The following KCNN3 variants were observed in gnomAD, a reference collection of about 807,000 sequenced individuals.
KCNN3 encodes the protein potassium calcium-activated channel subfamily N member 3.
A neutral mutation model predicts 62.9 loss-of-function variants in KCNN3; 16 were observed. That is an observed-to-expected ratio of 0.25 (90% CI 0.17 to 0.39). The LOEUF is 0.39. Ranked by LOEUF, KCNN3 falls within the 10% of genes least tolerant of loss-of-function variation. KCNN3 has a pLI of 1.00. For missense variants in KCNN3, 599 were observed against 949.4 expected, an observed-to-expected ratio of 0.63 and a Z score of 4.85; for synonymous variants, 370 against 389.2, an observed-to-expected ratio of 0.95 and a Z score of 0.58.
In KCNN3 at chr1:154,702,586, G is replaced by C. The variant is rs543705301; in HGVS notation, c.*5390C>G. On this transcript the variant is annotated 3_prime_UTR_variant, in exon 8 of 8. Coordinates refer to ENST00000271915, the MANE Select transcript of KCNN3 (RefSeq NM_002249.6). ...TTAAAAAACGTATCTGATGAAGGTG[G>C]ATCAGTCCTGGTTGAGATTCAAAAA... 6.6e-6 allele frequency: 1 copy of C among 150,578 alleles called. No individual in the cohort carries two copies. Among genetic ancestry groups the C allele is most frequent in the African/African-American group, 2.4e-5 (1 of 41,160 alleles). 9.3% of individuals were successfully genotyped at this position (150,578 alleles called of 1,614,324 possible). A position where few individuals can be genotyped will look rare whatever the true frequency, so the allele number is the denominator to read the frequency against.
At chr1:154,783,161 C>T (rs1304205877) in intron 2 of KCNN3, among the ~76,000 whole-genome samples, 6 of 150,776 alleles carry the variant, frequency 4.0e-5, no homozygotes, top group Admixed American at 1.3e-4. Flanking sequence ...TGCAGTGAGT[C>T]GAGATCGCAC....
intron 1 of KCNN3, among the ~76,000 whole-genome samples, chr1:154,836,058 C>A (rs573391164): frequency 6.6e-6 from 1 of 152,182 alleles, no homozygotes; most frequent in East Asian, 1.9e-4. Context: ...CCAAAGGCAC[C>A]TGACGCATGT....
At chr1:154,781,306 G>A (rs1449375745) in intron 2 of KCNN3, among the ~76,000 whole-genome samples, 1 of 152,206 alleles carries the variant, frequency 6.6e-6, no homozygotes, top group African/African-American at 2.4e-5. Flanking sequence ...CACCACTAGG[G>A]ATAGAGCATC....
At chr1:154,831,935 A>G (rs898176176) in intron 1 of KCNN3, among the ~76,000 whole-genome samples, 1 of 151,882 alleles carries the variant, frequency 6.6e-6, no homozygotes, top group Non-Finnish European at 1.5e-5. Context: ...CCCAACCCTC[A>G]TTCTCCACGA....
intron 3 of KCNN3, among the ~76,000 whole-genome samples, chr1:154,735,362 C>A (rs1700689307): frequency 6.6e-6 from 1 of 152,168 alleles, no homozygotes; most frequent in Non-Finnish European, 1.5e-5. Context: ...ACAGCATTAG[C>A]CTTTTTGTGG....
chr1:154,804,272 A>G (rs1200432029), intron 2 of KCNN3, among the ~76,000 whole-genome samples: 1 of 152,290 alleles, frequency 6.6e-6, no homozygotes, highest in Non-Finnish European at 1.5e-5. Flanking sequence ...GCTCGAATTC[A>G]CAACTCATGA....
chr1:154,816,340 A>G (rs897251315), intron 2 of KCNN3, among the ~76,000 whole-genome samples: 1 of 152,194 alleles, frequency 6.6e-6, no homozygotes, highest in African/African-American at 2.4e-5. Context: ...CAAGAACCAC[A>G]ATTTGAAATT....
At chr1:154,753,167 T>C (rs1647466217) in intron 3 of KCNN3, among the ~76,000 whole-genome samples, 1 of 152,252 alleles carries the variant, frequency 6.6e-6, no homozygotes, top group Non-Finnish European at 1.5e-5. Flanking sequence ...GTTAACTATA[T>C]TCACATCTAC....
intron 3 of KCNN3, among the ~76,000 whole-genome samples, chr1:154,745,322 G>A (rs531369358): frequency 4.9e-4 from 74 of 152,328 alleles, no homozygotes; most frequent in African/African-American, 1.6e-3. Context: ...AAACAAATGC[G>A]ACTTGCCGCC....
intron 1 of KCNN3, among the ~76,000 whole-genome samples, chr1:154,844,641 T>C (rs1458204556): frequency 1.4e-5 from 2 of 144,902 alleles, no homozygotes; most frequent in Admixed American, 7.3e-5. Context: ...TTCGCTCTGC[T>C]ATCTTACTCA....
chr1:154,772,366 C>T lies in KCNN3; in HGVS notation c.1057G>A (p.Asp353Asn). 1.2e-6 allele frequency: 2 copies of T among 1,614,188 alleles called. No individual in the cohort carries two copies. Among genetic ancestry groups the T allele is most frequent in the Non-Finnish European group, 1.7e-6 (2 of 1,180,038 alleles). ...QLFVIDNGAD[D>N]WRIAMTYERI... Reference sequence around the variant, plus strand: ...TCGTAGGTCATGGCTATCCGCCAGTCATCCGCGCCATTGTCGATCACGAAG... The same window carrying T: ...TCGTAGGTCATGGCTATCCGCCAGTTATCCGCGCCATTGTCGATCACGAAG... The change falls in exon 3 of 8, where the codon GAC becomes AAC. Residue 353 changes from aspartate (D) to asparagine (N), a missense_variant. Coordinates refer to ENST00000271915, the MANE Select transcript of KCNN3 (RefSeq NM_002249.6). This position sits in a 1 kb window ranked among gnomAD's most constrained non-coding sequence, Gnocchi z 5.6.
intron 1 of KCNN3, among the ~76,000 whole-genome samples, chr1:154,825,153 G>C (rs991577796): frequency 6.6e-6 from 1 of 152,050 alleles, no homozygotes; most frequent in Non-Finnish European, 1.5e-5. Flanking sequence ...CAGTGACACC[G>C]GGCTGCCATA....
chr1:154,699,373 T>C lies in KCNN3; in HGVS notation c.*8603A>G, dbSNP rs975111161. On this transcript the variant is annotated 3_prime_UTR_variant, in exon 8 of 8. Transcript: ENST00000271915. ...ATTATGAAGCATTTATATATGTATG[T>C]ATATATTATATATGAATGTGCGGGT... The C allele has an allele frequency of 2.0e-5, 3 of 152,300 alleles. No individual in the cohort carries two copies. Among genetic ancestry groups the C allele is most frequent in the Admixed American group, 2.0e-4 (3 of 15,300 alleles). The allele number at this position is 152,300 out of a possible 1,614,324, so 9.4% of individuals were successfully genotyped here. A position where few individuals can be genotyped will look rare whatever the true frequency, so the allele number is the denominator to read the frequency against.
At chr1:154,709,030 G>A in intron 7 of KCNN3, among the ~76,000 whole-genome samples, 1 of 152,170 alleles carries the variant, frequency 6.6e-6, no homozygotes, top group South Asian at 2.1e-4. Context: ...GACCAATCCT[G>A]CTTCCCTCAC....
chr1:154,724,858 T>C lies in KCNN3; in HGVS notation c.1701+1058A>G, dbSNP rs567994187. Reference sequence around the variant, plus strand: ...GGGATGTGGGCTCTACTAGAATGATTCTTTTTTTTTTTTTTTGAGATGGAG... The same window carrying C: ...GGGATGTGGGCTCTACTAGAATGATCCTTTTTTTTTTTTTTTGAGATGGAG... On this transcript the variant is annotated intron_variant, in intron 5 of 7. Coordinates refer to ENST00000271915, the MANE Select transcript of KCNN3 (RefSeq NM_002249.6). 5.4e-5 allele frequency among the ~76,000 whole-genome samples: 8 copies of C among 147,396 alleles called. 1 individual carries two copies. In the South Asian group the frequency reaches 1.5e-3, roughly 28 times the overall value.
At chr1:154,751,113 G>A (rs192289881) in intron 3 of KCNN3, among the ~76,000 whole-genome samples, 103 of 152,286 alleles carry the variant, frequency 6.8e-4, no homozygotes, top group Middle Eastern at 3.4e-3. Flanking sequence ...GTGTGAGCTC[G>A]GCAGAGTCCA....
intron 2 of KCNN3, among the ~76,000 whole-genome samples, chr1:154,786,990 G>T (rs1048703790): frequency 2.0e-5 from 3 of 151,466 alleles, no homozygotes; most frequent in Non-Finnish European, 2.9e-5. Flanking sequence ...GGAGCCCCCA[G>T]GATTTTATGA....
chr1:154,867,995 CTT>C, intron 1 of KCNN3: 1 of 985,418 alleles, frequency 1.0e-6, no homozygotes, highest in Non-Finnish European at 1.2e-6. Context: ...CCTCCTCCGT[CTT>C]GGGGCTGGAC....
At chr1:154,842,247 T>C (rs1382227933) in intron 1 of KCNN3, among the ~76,000 whole-genome samples, 1 of 152,174 alleles carries the variant, frequency 6.6e-6, no homozygotes, top group Admixed American at 6.5e-5. Flanking sequence ...GGCCCCCTTC[T>C]TGGGTGTGAG....
Sources: allele counts gnomAD v4.1 joint callset (sites outside exome capture counted in the v4.1 genomes callset), GRCh38; gene constraint gnomAD v4.1.1; non-coding constraint Gnocchi (gnomAD v3.1); transcripts MANE v1.5; gene names NCBI Gene and HGNC (gene_info 2026-07-23, HGNC 2026-07-21).